Variants in LRFN5 observed in about 807,000 individuals in gnomAD.
LRFN5 encodes leucine-rich repeat and fibronectin type-III domain-containing protein 5.
Under a neutral mutation model 45.6 loss-of-function variants are expected in LRFN5, and 24 were observed. That is an observed-to-expected ratio of 0.53 (90% CI 0.38 to 0.74). The LOEUF (loss-of-function observed/expected upper bound fraction) is 0.74. Ranked by LOEUF, LRFN5 falls within the 30% of genes least tolerant of loss-of-function variation. The pLI, the probability that LRFN5 is intolerant of heterozygous loss-of-function variation, is 0.00. For missense variants in LRFN5, 776 were observed against 861.5 expected, an observed-to-expected ratio of 0.90 and a Z score of 1.24; for synonymous variants, 340 against 313.8, an observed-to-expected ratio of 1.08 and a Z score of -0.88.
At chr14:41,643,132 AT>A (rs1879655921) in intron 1 of LRFN5, among the ~76,000 whole-genome samples, 1 of 152,202 alleles carries the variant, frequency 6.6e-6, no homozygotes, top group Non-Finnish European at 1.5e-5. Context: ...GACTCCCTAC[AT>A]ATTTTGTTGA....
intron 1 of LRFN5, among the ~76,000 whole-genome samples, chr14:41,630,295 A>C (rs1289443131): frequency 1.3e-5 from 2 of 152,160 alleles, no homozygotes; most frequent in Non-Finnish European, 2.9e-5. Flanking sequence ...CTTTAGGGCA[A>C]AGACTTTTTT....
Position 41,887,452 on chromosome 14 carries a change from C to G in LRFN5, c.827C>G (p.Ser276Ter). Residue 276 changes from serine to a stop codon, truncating the protein, a stop_gained, in exon 3 of 6, where the codon TCA becomes TGA. Transcript: ENST00000298119. LOFTEE classifies it high-confidence loss of function. This position sits in a 1 kb window ranked among gnomAD's most constrained non-coding sequence, Gnocchi z 4.8. ...PPLLTGRYFW[S>*]IPEEEFLCEP... ...CTTTTAACTGGCCGCTACTTTTGGT[C>G]AATTCCTGAAGAAGAGTTTTTGTGT... The G allele has an allele frequency of 6.2e-7, 1 of 1,614,174 alleles. No individual in the cohort carries two copies.
chr14:41,892,653 T>G (rs1890824557), intron 4 of LRFN5: 1 of 983,398 alleles, frequency 1.0e-6, no homozygotes, highest in South Asian at 4.7e-5. Context: ...CAATATTCAA[T>G]TAGTATACCG....
chr14:41,833,781 TC>T, intron 2 of LRFN5, among the ~76,000 whole-genome samples: 1 of 152,330 alleles, frequency 6.6e-6, no homozygotes, highest in East Asian at 1.9e-4. Context: ...TCTCCTAGTT[TC>T]TCCCTTTCCT....
intron 1 of LRFN5, among the ~76,000 whole-genome samples, chr14:41,673,707 G>T (rs547219776): frequency 3.6e-4 from 52 of 144,270 alleles, no homozygotes; most frequent in Non-Finnish European, 6.7e-4. Flanking sequence ...TGGGGTGGCT[G>T]GCCGGGCAGA....
chr14:41,818,528 C>A (rs1887999658), intron 2 of LRFN5, among the ~76,000 whole-genome samples: 1 of 151,630 alleles, frequency 6.6e-6, no homozygotes, highest in Admixed American at 6.6e-5. Context: ...CATACACATC[C>A]CATTTACATT....
chr14:41,812,413 C>G (rs1887766992), intron 2 of LRFN5, among the ~76,000 whole-genome samples: 1 of 151,774 alleles, frequency 6.6e-6, no homozygotes, highest in Admixed American at 6.6e-5. Context: ...CTAATCAGAA[C>G]AGAGCTCCTT....
At chr14:41,728,048 G>T (rs1884009875) in intron 1 of LRFN5, among the ~76,000 whole-genome samples, 1 of 152,030 alleles carries the variant, frequency 6.6e-6, no homozygotes, top group Non-Finnish European at 1.5e-5. Flanking sequence ...TTATTTTCAG[G>T]TTTCTGCTCA....
chr14:41,614,571 T>C (rs1226968053), intron 1 of LRFN5, among the ~76,000 whole-genome samples: 1 of 151,994 alleles, frequency 6.6e-6, no homozygotes, highest in Non-Finnish European at 1.5e-5. Context: ...GTTCTACGCT[T>C]TGTAGTAGGA....
chr14:41,615,249 T>C (rs1887891931), intron 1 of LRFN5, among the ~76,000 whole-genome samples: 1 of 152,150 alleles, frequency 6.6e-6, no homozygotes, highest in Non-Finnish European at 1.5e-5. Context: ...TTCACTTTTA[T>C]ATAGATGTAT....
chr14:41,879,815 G>A (rs1890311191), intron 2 of LRFN5, among the ~76,000 whole-genome samples: 1 of 148,394 alleles, frequency 6.7e-6, no homozygotes, highest in Admixed American at 6.7e-5. Flanking sequence ...TTGTGTATAT[G>A]TATTGGCATG....
intron 2 of LRFN5, among the ~76,000 whole-genome samples, chr14:41,856,104 A>G (rs1266741217): frequency 2.6e-5 from 4 of 152,174 alleles, no homozygotes. Flanking sequence ...TAGTCCTTTC[A>G]TGAGAGGAAT....
chr14:41,734,908 C>T (rs1884358366), intron 1 of LRFN5, among the ~76,000 whole-genome samples: 1 of 151,944 alleles, frequency 6.6e-6, no homozygotes, highest in African/African-American at 2.4e-5. Flanking sequence ...ACTTTGATCA[C>T]TTACAAAAAA....
At chr14:41,776,481 A>T (rs10483524) in intron 2 of LRFN5, among the ~76,000 whole-genome samples, 47,846 of 151,934 alleles carry the variant, frequency 0.31, 7,749 homozygotes, top group South Asian at 0.44. Context: ...TAATATAATG[A>T]CACAGTTATC....
chr14:41,771,632 T>C (rs1073912), intron 2 of LRFN5, among the ~76,000 whole-genome samples: 91,194 of 151,364 alleles, frequency 0.6, 28,540 homozygotes, highest in East Asian at 0.94. Context: ...AGTTATTTGC[T>C]AGGGTGTAAC....
At chr14:41,761,616 A>G (rs1219902812) in intron 1 of LRFN5, among the ~76,000 whole-genome samples, 1 of 152,156 alleles carries the variant, frequency 6.6e-6, no homozygotes, top group African/African-American at 2.4e-5. Flanking sequence ...ATGAGCTAGC[A>G]AATGAAGTCA....
At chr14:41,609,542 T>C (rs1339684595) in intron 1 of LRFN5, among the ~76,000 whole-genome samples, 1 of 152,110 alleles carries the variant, frequency 6.6e-6, no homozygotes, top group Non-Finnish European at 1.5e-5. Context: ...TTCCCCTGAA[T>C]TCCCTTTCGT....
At chr14:41,765,721 A>G (rs745576175) in intron 1 of LRFN5, among the ~76,000 whole-genome samples, 5 of 152,342 alleles carry the variant, frequency 3.3e-5, no homozygotes, top group South Asian at 2.1e-4. Flanking sequence ...ATAAATTTCA[A>G]AAAGATACAG....
At chr14:41,867,372 T>G (rs912384) in intron 2 of LRFN5, among the ~76,000 whole-genome samples, 102,487 of 151,872 alleles carry the variant, frequency 0.67, 34,801 homozygotes, top group East Asian at 0.93. Flanking sequence ...GTGTGGAGGG[T>G]TATGTGTGTG....
Sources: allele counts gnomAD v4.1 joint callset (sites outside exome capture counted in the v4.1 genomes callset), GRCh38; gene constraint gnomAD v4.1.1; non-coding constraint Gnocchi (gnomAD v3.1); transcripts MANE v1.5; gene names NCBI Gene and HGNC (gene_info 2026-07-23, HGNC 2026-07-21).